The following MAPKBP1 variants were observed in gnomAD, a reference collection of about 807,000 sequenced individuals.
MAPKBP1 encodes mitogen-activated protein kinase-binding protein 1.
MAPKBP1 carries 71 observed loss-of-function variants against 170.5 expected under a neutral mutation model. That is an observed-to-expected ratio of 0.42 (90% CI 0.34 to 0.51). The LOEUF is 0.51. Ranked by LOEUF, MAPKBP1 falls within the 20% of genes least tolerant of loss-of-function variation. The probability of loss-of-function intolerance (pLI) is 0.06; values close to 1 mark genes in which losing one functional copy is unlikely to be tolerated. For missense variants in MAPKBP1, 1,598 were observed against 1,933.0 expected, an observed-to-expected ratio of 0.83 and a Z score of 3.25; for synonymous variants, 719 against 757.9, an observed-to-expected ratio of 0.95 and a Z score of 0.84.
intron 3 of MAPKBP1, among the ~76,000 whole-genome samples, chr15:41,803,651 G>A (rs1443553759): frequency 6.6e-6 from 1 of 151,950 alleles, no homozygotes; most frequent in Non-Finnish European, 1.5e-5. Context: ...GGAGGTGAAG[G>A]CTGCAGTGAA....
intron 2 of MAPKBP1, among the ~76,000 whole-genome samples, chr15:41,796,772 C>CA (rs1164821499): frequency 2.0e-5 from 3 of 152,140 alleles, no homozygotes; most frequent in African/African-American, 7.2e-5. Context: ...CTAAGGAACA[C>CA]AAAGGTGCCG....
At chr15:41,787,606 T>A (rs2064321808) in intron 2 of MAPKBP1, among the ~76,000 whole-genome samples, 1 of 152,158 alleles carries the variant, frequency 6.6e-6, no homozygotes, top group African/African-American at 2.4e-5. Flanking sequence ...GACCTTGTGA[T>A]CCACCCACCT....
intron 3 of MAPKBP1, among the ~76,000 whole-genome samples, chr15:41,810,131 C>T (rs1275666790): frequency 6.6e-6 from 1 of 152,210 alleles, no homozygotes; most frequent in Non-Finnish European, 1.5e-5. Flanking sequence ...CATCTTAAGG[C>T]ACACATGCTT....
chr15:41,822,882 TG>T, intron 27 of MAPKBP1, 56 bp from the exon 28 acceptor site: 1 of 1,550,990 alleles, frequency 6.4e-7, no homozygotes, highest in Middle Eastern at 1.7e-4. Flanking sequence ...CTCGCCATTT[TG>T]GCAGGGAGGA....
intron 23 of MAPKBP1, 72 bp downstream of exon 23, chr15:41,821,140 C>A: frequency 1.4e-6 from 2 of 1,387,984 alleles, no homozygotes; most frequent in Non-Finnish European, 2.0e-6. Context: ...CCAGCTGGGA[C>A]CTGAGCACTG....
rs769060753 is a variant in MAPKBP1, at chr15:41,819,668, A to G, written c.2481+18A>G. 177 of 1,604,550 alleles carry G rather than the reference A, an allele frequency of 1.1e-4. No individual in the cohort carries two copies. Among genetic ancestry groups the G allele is most frequent in the Non-Finnish European group, 1.4e-4 (163 of 1,174,682 alleles). On this transcript the variant is annotated intron_variant, in intron 22 of 30. Coordinates refer to ENST00000457542, the MANE Select transcript of MAPKBP1 (RefSeq NM_014994.3). ...TGAGTCGGGTGAGTCGCCATTGTTA[A>G]AATGTTCTTCCAAGGTTAGAGGAGG... is the stretch of plus-strand genomic sequence containing the variant.
intron 3 of MAPKBP1, among the ~76,000 whole-genome samples, chr15:41,800,568 C>T (rs1406141852): frequency 6.6e-6 from 1 of 152,162 alleles, no homozygotes; most frequent in East Asian, 1.9e-4. Flanking sequence ...CTCCTGAGCT[C>T]AAGCCATCCA....
chr15:41,798,393 A>G (rs930992671), intron 2 of MAPKBP1, among the ~76,000 whole-genome samples: 1 of 151,462 alleles, frequency 6.6e-6, no homozygotes, highest in South Asian at 2.1e-4. Flanking sequence ...AATGAATCTC[A>G]TGCCTCAGCC....
chr15:41,782,183 A>G (rs1170805470), intron 2 of MAPKBP1, among the ~76,000 whole-genome samples: 1 of 149,636 alleles, frequency 6.7e-6, no homozygotes, highest in Admixed American at 6.7e-5. Context: ...AATGGTGTGA[A>G]CTCGGGATGC....
chr15:41,819,236 T>C lies in MAPKBP1; in HGVS notation c.2292-10T>C, dbSNP rs1193486261. 9 of 1,613,092 alleles carry C rather than the reference T, an allele frequency of 5.6e-6. No homozygotes were observed. Among genetic ancestry groups the C allele is most frequent in the Non-Finnish European group, 7.6e-6 (9 of 1,179,336 alleles). On this transcript the variant is annotated splice_polypyrimidine_tract_variant and intron_variant, in intron 20 of 30. Transcript: ENST00000457542. ...TCCTCTCCCCATGCCCTTCCTTGTC[T>C]CGGACTCAGGCACCAGGCCCCATCA...
rs1219376306 is a variant in MAPKBP1, at chr15:41,817,953, C to T, written c.1905-56C>T. On this transcript the variant is annotated intron_variant, in intron 16 of 30. Transcript: ENST00000457542. The surrounding 1 kb of genome is among the most constrained non-coding windows in gnomAD (Gnocchi z 4.2). ...AGTGAAAGCTGGCATTTCCATCCCC[C>T]AGGCGTGTTCCACCTTCACCGCCTC... 34 of 1,568,576 alleles carry T rather than the reference C, an allele frequency of 2.2e-5. No homozygotes were observed. The East Asian group carries it at 7.6e-4, about 35-fold the overall frequency.
In MAPKBP1 at chr15:41,800,470, G is replaced by A. The variant is rs560444125; in HGVS notation, c.206+556G>A. 1.2e-4 allele frequency among the ~76,000 whole-genome samples: 18 copies of A among 152,132 alleles called. No homozygotes were observed. The East Asian group carries it at 3.5e-3, about 29-fold the overall frequency. On this transcript the variant is annotated intron_variant, in intron 3 of 30. Transcript: ENST00000457542. ...CAATCCTCCCACCTCAGTCTCCCGAGTAGCTGGGACTACAGGCGCACTGCC... is the reference window on the plus strand; with the variant it reads ...CAATCCTCCCACCTCAGTCTCCCGAATAGCTGGGACTACAGGCGCACTGCC...
Position 41,818,264 on chromosome 15 carries a change from TCTC to T in MAPKBP1, c.2055_2057del (p.Ser686del). ...GACAAGAATCTCTCCATTTTTGACTTCTCCTCAGGCGAGTGCGTGGCCACCATG... is the reference window on the plus strand; with the variant it reads ...GACAAGAATCTCTCCATTTTTGACTTCTCAGGCGAGTGCGTGGCCACCATG... On this transcript the variant is annotated inframe_deletion, in exon 18 of 31. Coordinates refer to ENST00000457542, the MANE Select transcript of MAPKBP1 (RefSeq NM_014994.3). The surrounding 1 kb of genome is among the most constrained non-coding windows in gnomAD (Gnocchi z 5.2). 6.2e-7 allele frequency: 1 copy of T among 1,614,104 alleles called. No homozygotes were observed. The highest frequency in any genetic ancestry group is 8.5e-7 in the Non-Finnish European group (1 of 1,180,024).
intron 2 of MAPKBP1, among the ~76,000 whole-genome samples, chr15:41,786,581 G>T (rs904893950): frequency 3.3e-5 from 5 of 150,818 alleles, no homozygotes; most frequent in African/African-American, 1.2e-4. Flanking sequence ...TGGCTAACAC[G>T]GTGAAACCCC....
Position 41,821,633 on chromosome 15 carries a change from A to G in MAPKBP1, c.2768A>G (p.His923Arg). The change falls in exon 24 of 31, where the codon CAT becomes CGT. Residue 923 changes from histidine (H) to arginine (R), a missense_variant. By Grantham distance (29) the His-to-Arg change is conservative. This residue lies in a region of MAPKBP1 where 942 missense variants were observed against 953.2 expected (regional missense o/e 0.99). Coordinates refer to ENST00000457542, the MANE Select transcript of MAPKBP1 (RefSeq NM_014994.3). Reference protein sequence around the residue: ...PQASQPCSYPHIIRLLSQEEG... With the variant: ...PQASQPCSYPRIIRLLSQEEG... ...GCTTCCCAACCTTGTTCCTATCCCCATATTATCCGATTATTGTCACAAGAG... is the reference window on the plus strand; with the variant it reads ...GCTTCCCAACCTTGTTCCTATCCCCGTATTATCCGATTATTGTCACAAGAG... 3 of 1,613,864 alleles carry G rather than the reference A, an allele frequency of 1.9e-6. No homozygotes were observed. The highest frequency in any genetic ancestry group is 1.7e-6 in the Non-Finnish European group (2 of 1,179,942).
At chr15:41,780,156 T>C (rs1488416151) in intron 2 of MAPKBP1, among the ~76,000 whole-genome samples, 1 of 152,232 alleles carries the variant, frequency 6.6e-6, no homozygotes, top group Non-Finnish European at 1.5e-5. Flanking sequence ...CACTACTGCT[T>C]TCCAAGTTTT....
At chr15:41,822,847 C>T in intron 27 of MAPKBP1, 92 bp from the exon 28 acceptor site, 2 of 1,507,876 alleles carry the variant, frequency 1.3e-6, no homozygotes, top group Non-Finnish European at 1.8e-6. Flanking sequence ...CTTGTTCTCT[C>T]CTAGTGCCCT....
At chr15:41,789,845 C>T (rs2064364680) in intron 2 of MAPKBP1, among the ~76,000 whole-genome samples, 1 of 152,292 alleles carries the variant, frequency 6.6e-6, no homozygotes, top group East Asian at 1.9e-4. Flanking sequence ...TCTATCTTGG[C>T]TCTCAGACCT....
In MAPKBP1 at chr15:41,823,197, G is replaced by A; in HGVS notation, c.3573G>A (p.Gln1191=). ...CCTTTTCTGGACTCCAGAAGGCCCA[G>A]TCTGTGCACAGTCTGGTGCCACAGG... ...ASPFSGLQKA[Q]SVHSLVPQER... The change falls in exon 28 of 31, where the codon CAG becomes CAA. Residue 1191 remains glutamine (Q), a synonymous_variant. Coordinates refer to ENST00000457542, the MANE Select transcript of MAPKBP1 (RefSeq NM_014994.3). 6.2e-7 allele frequency: 1 copy of A among 1,613,652 alleles called. No individual in the cohort carries two copies. Among genetic ancestry groups the A allele is most frequent in the Non-Finnish European group, 8.5e-7 (1 of 1,180,010 alleles).
Sources: gnomAD v4.1 joint callset for allele counts (sites outside exome capture counted in the v4.1 genomes callset) on GRCh38, gnomAD v4.1.1 for gene constraint, gnomAD v4.1.1 regional missense constraint, Gnocchi (gnomAD v3.1) non-coding constraint, MANE v1.5 for transcripts, NCBI Gene and HGNC (gene_info 2026-07-23, HGNC 2026-07-21) for gene names.